IKZF4: variants seen among roughly 807,000 people sequenced by gnomAD.
The protein encoded by IKZF4 is zinc finger protein Eos.
In IKZF4, 11 loss-of-function variants were observed where a neutral mutation model predicts 47.7. The observed-to-expected ratio is 0.23, with a 90% CI of 0.15 to 0.38. The LOEUF is 0.38. Ranked by LOEUF, IKZF4 falls within the 10% of genes least tolerant of loss-of-function variation. The probability of loss-of-function intolerance (pLI) is 1.00; values close to 1 mark genes in which losing one functional copy is unlikely to be tolerated. For synonymous variants in IKZF4, 298 were observed against 299.4 expected (o/e 1.00, Z 0.05); for missense variants, 557 against 784.9 (o/e 0.71, Z 3.47).
At chr12:56,014,605 C>A (rs955330329) in intron 2 of IKZF4, among the ~76,000 whole-genome samples, 2 of 152,102 alleles carry the variant, frequency 1.3e-5, no homozygotes, top group African/African-American at 2.4e-5. Flanking sequence ...ACAGGGATCA[C>A]ACCAAAGGAA....
intron 1 of IKZF4, 150 bp downstream of exon 1, chr12:56,021,730 GTA>G (rs1491410006): frequency 3.5e-6 from 4 of 1,136,894 alleles, no homozygotes; most frequent in African/African-American, 1.6e-5. Context: ...GTGTGTGTGT[GTA>G]GCGGGGGAGG....
intron 5 of IKZF4, among the ~76,000 whole-genome samples, chr12:56,031,322 A>G (rs759246838): frequency 6.6e-6 from 1 of 152,222 alleles, no homozygotes; most frequent in South Asian, 2.1e-4. Context: ...TGATCATTAC[A>G]TGTCGTATAC....
chr12:56,020,064 T>C (rs972031717), upstream of IKZF4, among the ~76,000 whole-genome samples: 3 of 152,242 alleles, frequency 2.0e-5, no homozygotes, highest in African/African-American at 7.2e-5. Flanking sequence ...GGAAGAGTCA[T>C]ATGGAAGCAG....
intron 3 of IKZF4, among the ~76,000 whole-genome samples, chr12:56,025,858 C>A (rs1398209512): frequency 6.6e-6 from 1 of 152,186 alleles, no homozygotes; most frequent in Non-Finnish European, 1.5e-5. Flanking sequence ...AGACATCTTT[C>A]TTCATGACAA....
At chr12:56,024,512 T>G in intron 2 of IKZF4, 1 of 498,260 alleles carries the variant, frequency 2.0e-6, no homozygotes, top group Non-Finnish European at 2.6e-6. Context: ...CTTCATATAG[T>G]TGTTGTGAGG....
chr12:56,024,955 T>TTCA, intron 2 of IKZF4, 99 bp from the exon 3 acceptor site: 1 of 1,540,768 alleles, frequency 6.5e-7, no homozygotes, highest in Non-Finnish European at 8.7e-7. Flanking sequence ...ATGAAGGAAA[T>TTCA]GTTTGTGAAA....
Position 56,036,757 on chromosome 12 carries a change from T to C in IKZF4, c.*1426T>C, listed in dbSNP as rs1456989269. On this transcript the variant is annotated 3_prime_UTR_variant, in exon 8 of 8. Transcript: ENST00000547167. ...CTGCAGAGACCCTTGGCTATTTGAG[T>C]AACCTAGGATTAGTGAGAAGGGGCA... The C allele has an allele frequency of 6.6e-6, 1 of 152,064 alleles. No individual in the cohort carries two copies. The highest frequency in any genetic ancestry group is 6.6e-5 in the Admixed American group (1 of 15,264). The allele number at this position is 152,064 out of a possible 1,614,324, so 9.4% of individuals were successfully genotyped here. A position where few individuals can be genotyped will look rare whatever the true frequency, so the allele number is the denominator to read the frequency against.
intron 5 of IKZF4, 25 bp downstream of exon 5, chr12:56,027,972 G>A (rs1176491731): frequency 6.5e-7 from 1 of 1,529,086 alleles, no homozygotes; most frequent in Non-Finnish European, 8.8e-7. Context: ...AGTGGGAGGA[G>A]GGAATGAGGC....
In IKZF4 at chr12:56,035,172, G is replaced by A; in HGVS notation, c.1599G>A (p.Glu533=). ...SGEPVKAFKC[E]HCRILFLDHV... ...AGCCTGTGAAGGCCTTCAAGTGTGA[G>A]CACTGCCGTATCCTCTTCCTGGACC... is the stretch of plus-strand genomic sequence containing the variant. Residue 533 remains glutamate, a synonymous_variant, in exon 8 of 8, where the codon GAG becomes GAA. Coordinates refer to ENST00000547167, the MANE Select transcript of IKZF4 (RefSeq NM_022465.4). This position sits in a 1 kb window ranked among gnomAD's most constrained non-coding sequence, Gnocchi z 6.1. 1 of 1,614,218 alleles carries A rather than the reference G, an allele frequency of 6.2e-7. No individual in the cohort carries two copies. The highest frequency in any genetic ancestry group is 8.5e-7 in the Non-Finnish European group (1 of 1,180,022).
chr12:56,017,004 A>C (rs1892163833), upstream of IKZF4, among the ~76,000 whole-genome samples: 1 of 152,032 alleles, frequency 6.6e-6, no homozygotes, highest in South Asian at 2.1e-4. Context: ...TGCTGGAATT[A>C]CAGGTGTGAG....
intron 1 of IKZF4, chr12:56,021,870 G>C (rs957143163): frequency 4.2e-5 from 20 of 471,790 alleles, no homozygotes; most frequent in Admixed American, 4.1e-4. Context: ...AGGTAGAGCT[G>C]CCTGGGGTGA....
At chr12:56,023,566 C>T (rs1893435802) in intron 1 of IKZF4, 105 bp from the exon 2 acceptor site, 1 of 1,327,982 alleles carries the variant, frequency 7.5e-7, no homozygotes, top group South Asian at 1.5e-5. Context: ...CATTTTTCCT[C>T]AGGCTTTGAC....
At chr12:56,029,321 GAT>G (rs918591814) in intron 5 of IKZF4, among the ~76,000 whole-genome samples, 2 of 152,236 alleles carry the variant, frequency 1.3e-5, no homozygotes, top group Non-Finnish European at 2.9e-5. Flanking sequence ...CAGCTGGACA[GAT>G]AGCACTTTTT....
intron 2 of IKZF4, among the ~76,000 whole-genome samples, chr12:56,015,361 T>A (rs960336316): frequency 6.6e-6 from 1 of 151,528 alleles, no homozygotes; most frequent in African/African-American, 2.4e-5. Flanking sequence ...AGGCGTGAGC[T>A]ACCACGCCCG....
chr12:56,008,751 T>A (rs895557815), intron 1 of IKZF4, among the ~76,000 whole-genome samples: 1 of 146,838 alleles, frequency 6.8e-6, no homozygotes. Flanking sequence ...CTCAGCTCAC[T>A]GCAACCTCCA....
In IKZF4 at chr12:56,035,428, CCCTCACTACTGGCCACCTGA is replaced by C; in HGVS notation, c.*104_*123del. The C allele has an allele frequency of 7.3e-7, 1 of 1,373,006 alleles. No homozygotes were observed. The highest frequency in any genetic ancestry group is 2.3e-5 in the East Asian group (1 of 43,520). 85.1% of individuals were successfully genotyped at this position (1,373,006 alleles called of 1,614,324 possible). A position where few individuals can be genotyped will look rare whatever the true frequency, so the allele number is the denominator to read the frequency against. Reference sequence around the variant, plus strand: ...TTTCCCAAGGAGTTTTGCTTTGTAGCCCTCACTACTGGCCACCTGACCTCACACCTGACCCTGACCCCTCC... The same window carrying C: ...TTTCCCAAGGAGTTTTGCTTTGTAGCCCTCACACCTGACCCTGACCCCTCC... On this transcript the variant is annotated 3_prime_UTR_variant, in exon 8 of 8. Coordinates refer to ENST00000547167, the MANE Select transcript of IKZF4 (RefSeq NM_022465.4). This position sits in a 1 kb window ranked among gnomAD's most constrained non-coding sequence, Gnocchi z 6.1.
intron 1 of IKZF4, chr12:56,009,978 C>G (rs577279204): frequency 6.6e-6 from 1 of 152,158 alleles, no homozygotes. Flanking sequence ...CCTGCCCCCC[C>G]ACACACAGTA....
At position 56,036,530 on chromosome 12, in the gene IKZF4, G is replaced by T. The variant is rs1895646878; in HGVS notation, c.*1199G>T. 1 of 152,208 alleles carries T rather than the reference G, an allele frequency of 6.6e-6. No individual in the cohort carries two copies. Among genetic ancestry groups the T allele is most frequent in the Admixed American group, 6.5e-5 (1 of 15,276 alleles). 9.4% of individuals were successfully genotyped at this position (152,208 alleles called of 1,614,324 possible). A position where few individuals can be genotyped will look rare whatever the true frequency, so the allele number is the denominator to read the frequency against. On this transcript the variant is annotated 3_prime_UTR_variant, in exon 8 of 8. Transcript: ENST00000547167. The stretch of plus-strand genomic sequence containing the variant: ...CTGTTCTTAGGATCAGTGGCAGGGA[G>T]AAACGGGTATCTCTTTTCTCTCTTC...
intron 1 of IKZF4, 26 bp downstream of exon 1, chr12:56,021,606 T>A (rs767970120): frequency 6.3e-7 from 1 of 1,575,252 alleles, no homozygotes; most frequent in Non-Finnish European, 8.6e-7. Context: ...AGGCGGCTAG[T>A]GGAGGGAGGA....
Sources: allele counts gnomAD v4.1 joint callset (sites outside exome capture counted in the v4.1 genomes callset), GRCh38; gene constraint gnomAD v4.1.1; non-coding constraint Gnocchi (gnomAD v3.1); transcripts MANE v1.5; gene names NCBI Gene and HGNC (gene_info 2026-07-23, HGNC 2026-07-21).